Variants in CNEP1R1 observed in about 807,000 individuals in gnomAD.
CNEP1R1 encodes nuclear envelope phosphatase-regulatory subunit 1.
CNEP1R1 carries 10 observed loss-of-function variants against 22.7 expected under a neutral mutation model. The observed-to-expected ratio is 0.44, with a 90% CI of 0.27 to 0.75. The LOEUF is 0.75. CNEP1R1 is among the 30% of genes least tolerant of loss of function. The pLI, the probability that CNEP1R1 is intolerant of heterozygous loss-of-function variation, is 0.17. For synonymous variants in CNEP1R1, 53 were observed against 50.1 expected, an observed-to-expected ratio of 1.06 and a Z score of -0.25; for missense variants, 73 against 151.5, an observed-to-expected ratio of 0.48 and a Z score of 2.72.
intron 5 of CNEP1R1, among the ~76,000 whole-genome samples, chr16:50,035,183 C>T (rs752221966): frequency 3.9e-5 from 6 of 151,946 alleles, no homozygotes; most frequent in Non-Finnish European, 8.8e-5. Context: ...AAGACACCGT[C>T]TCTACAAAAA....
At chr16:50,034,313 A>G (rs942904747) in intron 5 of CNEP1R1, 157 bp downstream of exon 5, 2 of 588,976 alleles carry the variant, frequency 3.4e-6, no homozygotes, top group Non-Finnish European at 6.1e-6. Context: ...TTTTACATTT[A>G]ACATCTTTGG....
At chr16:50,026,354 A>C (rs1173092459) in intron 1 of CNEP1R1, 42 bp from the exon 2 acceptor site, 3 of 1,393,358 alleles carry the variant, frequency 2.2e-6, no homozygotes, top group Non-Finnish European at 3.0e-6. Flanking sequence ...TCGTCAGACG[A>C]GTAAGAGTGG....
At chr16:50,026,296 A>G in intron 1 of CNEP1R1, 100 bp from the exon 2 acceptor site, 1 of 777,592 alleles carries the variant, frequency 1.3e-6, no homozygotes, top group Non-Finnish European at 2.2e-6. Context: ...TGAAGCAGTT[A>G]AGAGTATCTC....
chr16:50,025,264 G>A lies in CNEP1R1; in HGVS notation c.-52G>A, dbSNP rs1474994690. On this transcript the variant is annotated 5_prime_UTR_variant, in exon 1 of 6. Transcript: ENST00000427478. ...GCGCTGCGGGCCGGGCGGGGGCCGC[G>A]GAAGCTGCGATGCGGACAGGGCAGC... 4 of 1,386,040 alleles carry A rather than the reference G, an allele frequency of 2.9e-6. No homozygotes were observed. Among genetic ancestry groups the A allele is most frequent in the Non-Finnish European group, 3.7e-6 (4 of 1,075,530 alleles). The allele number at this position is 1,386,040 out of a possible 1,614,324, so 85.9% of individuals were successfully genotyped here.
intron 1 of CNEP1R1, chr16:50,026,168 T>C: frequency 2.2e-6 from 1 of 459,294 alleles, no homozygotes. Flanking sequence ...AATCAGCAAG[T>C]TTTCTTATAT....
chr16:50,025,850 AG>A, intron 1 of CNEP1R1: 2 of 633,608 alleles, frequency 3.2e-6, no homozygotes, highest in Non-Finnish European at 5.6e-6. Context: ...ACCCCTTCGG[AG>A]GGGGCAAGGG....
At chr16:50,029,980 G>T (rs2036217888) in intron 3 of CNEP1R1, among the ~76,000 whole-genome samples, 182 bp downstream of exon 3, 1 of 152,164 alleles carries the variant, frequency 6.6e-6, no homozygotes, top group African/African-American at 2.4e-5. Flanking sequence ...TGTGAATTAA[G>T]TATGTCTACA....
Position 50,033,385 on chromosome 16 carries a change from C to G in CNEP1R1, c.172-12C>G. ...TTTTAACATTTTTATATTTTCATCTCTTCTTTTACAGGTGTCCTTCTTCAC... is the reference window on the plus strand; with the variant it reads ...TTTTAACATTTTTATATTTTCATCTGTTCTTTTACAGGTGTCCTTCTTCAC... On this transcript the variant is annotated splice_polypyrimidine_tract_variant and intron_variant, in intron 3 of 5. Transcript: ENST00000427478. 1 of 1,424,540 alleles carries G rather than the reference C, an allele frequency of 7.0e-7. No individual in the cohort carries two copies. Among genetic ancestry groups the G allele is most frequent in the Non-Finnish European group, 9.8e-7 (1 of 1,016,240 alleles). The allele number at this position is 1,424,540 out of a possible 1,614,324, so 88.2% of individuals were successfully genotyped here.
At chr16:50,033,069 A>AG (rs2036245086) in intron 3 of CNEP1R1, among the ~76,000 whole-genome samples, 1 of 151,874 alleles carries the variant, frequency 6.6e-6, no homozygotes, top group Non-Finnish European at 1.5e-5. Context: ...TTGAGACCAG[A>AG]GGCCTCATCT....
intron 2 of CNEP1R1, among the ~76,000 whole-genome samples, chr16:50,027,519 A>G (rs8054841): frequency 6.6e-6 from 1 of 150,944 alleles, no homozygotes; most frequent in African/African-American, 2.4e-5. Context: ...AAAAAAAAAA[A>G]AAAAAAATTT....
At chr16:50,032,343 C>T in intron 3 of CNEP1R1, among the ~76,000 whole-genome samples, 1 of 152,228 alleles carries the variant, frequency 6.6e-6, no homozygotes. Flanking sequence ...TGTCCCTCTA[C>T]ATATTCTTAG....
chr16:50,033,343 A>G, intron 3 of CNEP1R1, 54 bp from the exon 4 acceptor site: 1 of 799,930 alleles, frequency 1.3e-6, no homozygotes, highest in Non-Finnish European at 2.1e-6. Flanking sequence ...GGAGGTAGGA[A>G]TCAGCCATCC....
chr16:50,032,493 T>A (rs939665857), intron 3 of CNEP1R1, among the ~76,000 whole-genome samples: 1 of 152,208 alleles, frequency 6.6e-6, no homozygotes, highest in African/African-American at 2.4e-5. Context: ...GTCATTTAGA[T>A]CTCAGTAGCT....
At chr16:50,029,050 A>G (rs558490229) in intron 2 of CNEP1R1, among the ~76,000 whole-genome samples, 28 of 152,348 alleles carry the variant, frequency 1.8e-4, no homozygotes, top group African/African-American at 6.3e-4. Context: ...CCAGAATATT[A>G]ACTGGGTCTT....
chr16:50,027,654 A>G (rs370234447), intron 2 of CNEP1R1, among the ~76,000 whole-genome samples: 3 of 151,912 alleles, frequency 2.0e-5, no homozygotes, highest in African/African-American at 7.3e-5. Flanking sequence ...ACTCCAGCTT[A>G]GGGAACAGAG....
At chr16:50,025,448 A>T (rs1371526258) in intron 1 of CNEP1R1, 108 bp downstream of exon 1, 1 of 1,263,880 alleles carries the variant, frequency 7.9e-7, no homozygotes, top group East Asian at 2.6e-5. Context: ...GCCGCAGAGG[A>T]TGGAGCTAGG....
In CNEP1R1 at chr16:50,029,801, A is replaced by G; in HGVS notation, c.171+3A>G. 6.3e-7 allele frequency: 1 copy of G among 1,576,356 alleles called. No individual in the cohort carries two copies. The highest frequency in any genetic ancestry group is 8.7e-7 in the Non-Finnish European group (1 of 1,146,836). ...TAATAGACCCTGAGACACAAAAGGT[A>G]GAAGTTTTGTTTTAAAATCATTAGC... On this transcript the variant is annotated splice_donor_region_variant and intron_variant, in intron 3 of 5. Transcript: ENST00000427478.
intron 2 of CNEP1R1, 49 bp downstream of exon 2, chr16:50,026,516 T>C (rs1402121930): frequency 7.8e-7 from 1 of 1,278,174 alleles, no homozygotes; most frequent in Admixed American, 1.9e-5. Context: ...TTGATACTTT[T>C]ATCCTAATAT....
At position 50,031,980 on chromosome 16, in the gene CNEP1R1, G is replaced by A. The variant is rs2144279119; in HGVS notation, c.172-1417G>A. On this transcript the variant is annotated intron_variant, in intron 3 of 5. Transcript: ENST00000427478. ...GAGCTGGCTTATGAGAAACTCCTCGGAGGTTTGAAGAAGACGTTCTTCTGG... is the reference window on the plus strand; with the variant it reads ...GAGCTGGCTTATGAGAAACTCCTCGAAGGTTTGAAGAAGACGTTCTTCTGG... 1.3e-5 allele frequency among the ~76,000 whole-genome samples: 2 copies of A among 152,332 alleles called. 1 individual carries two copies. Among genetic ancestry groups the A allele is most frequent in the Middle Eastern group, 6.8e-3 (2 of 294 alleles).
Sources: allele counts gnomAD v4.1 joint callset (sites outside exome capture counted in the v4.1 genomes callset), GRCh38; gene constraint gnomAD v4.1.1; transcripts MANE v1.5; gene names NCBI Gene and HGNC (gene_info 2026-07-23, HGNC 2026-07-21).